The following DAB1 variants were observed in gnomAD, a reference collection of about 807,000 sequenced individuals.
The protein encoded by DAB1 is DAB adaptor protein 1, also known as disabled homolog 1.
In DAB1, 15 loss-of-function variants were observed where a neutral mutation model predicts 64.6. The observed-to-expected ratio is 0.23, with a 90% CI of 0.16 to 0.36. DAB1 has a LOEUF of 0.36. Ranked by LOEUF, DAB1 falls within the 10% of genes least tolerant of loss-of-function variation. DAB1 has a pLI of 1.00. For missense variants in DAB1, 596 were observed against 706.7 expected, an observed-to-expected ratio of 0.84 and a Z score of 1.78; for synonymous variants, 235 against 251.9, an observed-to-expected ratio of 0.93 and a Z score of 0.64.
chr1:57,818,792 G>T (rs900230739), intron 6 of DAB1, among the ~76,000 whole-genome samples: 1 of 150,544 alleles, frequency 6.6e-6, no homozygotes, highest in Non-Finnish European at 1.5e-5. Flanking sequence ...TGTATATAAT[G>T]TGTGTGTATA....
In DAB1 at chr1:58,058,806, C is replaced by T. The variant is rs947906541; in HGVS notation, n.387+91705G>A. The stretch of plus-strand genomic sequence containing the variant: ...TGCATATCTGTTCATGCTATGAAAT[C>T]CTGGAGTTCCTGAATCCTCACACAT... On this transcript the variant is annotated intron_variant and non_coding_transcript_variant, in intron 5 of 20. Transcript: ENST00000485760. Among the ~76,000 whole-genome samples the T allele has an allele frequency of 2.0e-5, 3 of 152,328 alleles. No homozygotes were observed. The South Asian group carries it at 6.2e-4, about 32-fold the overall frequency.
rs529215805 is a variant in DAB1, at chr1:57,483,573, A to G, written n.625+166019T>C. Among the ~76,000 whole-genome samples, 23 of 152,280 alleles carry G rather than the reference A, an allele frequency of 1.5e-4. No individual in the cohort carries two copies. In the East Asian group the frequency reaches 4.0e-3, roughly 27 times the overall value. On this transcript the variant is annotated intron_variant and non_coding_transcript_variant, in intron 7 of 20. Coordinates refer to the DAB1 transcript ENST00000485760. ...TTTATCAGGAGCATGAGAACAGACT[A>G]ATACATTTATTAATTCAACTTTTTT...
intron 3 of DAB1, among the ~76,000 whole-genome samples, chr1:58,454,597 C>A (rs936750164): frequency 8.5e-5 from 13 of 152,086 alleles, no homozygotes; most frequent in African/African-American, 2.9e-4. Flanking sequence ...AACCCACGTC[C>A]GAGGGCCACA....
intron 7 of DAB1, among the ~76,000 whole-genome samples, chr1:57,604,029 T>C (rs879879780): frequency 5.3e-5 from 8 of 152,220 alleles, no homozygotes; most frequent in Non-Finnish European, 1.0e-4. Flanking sequence ...GGCGTTTCCC[T>C]GGGGAGCTGG....
chr1:58,189,052 T>C (rs1032144758), intron 4 of DAB1, among the ~76,000 whole-genome samples: 4 of 152,226 alleles, frequency 2.6e-5, no homozygotes, highest in South Asian at 2.1e-4. Context: ...CACTATTTTA[T>C]TTGCCTTTGC....
intron 2 of DAB1, among the ~76,000 whole-genome samples, chr1:57,167,566 C>G (rs1388225731): frequency 6.6e-6 from 1 of 152,188 alleles, no homozygotes; most frequent in Non-Finnish European, 1.5e-5. Flanking sequence ...ATATTTACCT[C>G]CAGCTCCTTT....
chr1:57,634,696 G>A (rs1192386588), intron 7 of DAB1, among the ~76,000 whole-genome samples: 3 of 152,186 alleles, frequency 2.0e-5, no homozygotes, highest in Admixed American at 6.5e-5. Context: ...ACTGTTTTAG[G>A]TGCCAGCAAT....
intron 5 of DAB1, among the ~76,000 whole-genome samples, chr1:57,914,635 A>G (rs1206893085): frequency 6.6e-6 from 1 of 151,926 alleles, no homozygotes; most frequent in Non-Finnish European, 1.5e-5. Context: ...TGACTCTCTT[A>G]AAAAAAAGTC....
chr1:58,293,056 A>C (rs1459069889), intron 4 of DAB1, among the ~76,000 whole-genome samples: 1 of 152,248 alleles, frequency 6.6e-6, no homozygotes, highest in Non-Finnish European at 1.5e-5. Context: ...GATAAAGCAC[A>C]AACTCAGAGC....
At chr1:57,411,385 A>T (rs1684099570) in intron 1 of DAB1, among the ~76,000 whole-genome samples, 1 of 152,214 alleles carries the variant, frequency 6.6e-6, no homozygotes, top group Admixed American at 6.5e-5. Context: ...AATAACATTC[A>T]CTGACCTAAG....
At chr1:57,234,230 T>C (rs977758292) in intron 2 of DAB1, among the ~76,000 whole-genome samples, 4 of 152,150 alleles carry the variant, frequency 2.6e-5, no homozygotes, top group Admixed American at 6.5e-5. Flanking sequence ...TTAAAAAATA[T>C]AGTTACCCAA....
intron 2 of DAB1, among the ~76,000 whole-genome samples, chr1:57,250,641 C>G (rs952977437): frequency 1.3e-5 from 2 of 152,134 alleles, no homozygotes; most frequent in African/African-American, 4.8e-5. Context: ...TAGTAAGAAT[C>G]CATAGCTTTT....
intron 4 of DAB1, among the ~76,000 whole-genome samples, chr1:58,200,639 T>C (rs778750368): frequency 1.3e-5 from 2 of 152,244 alleles, no homozygotes; most frequent in African/African-American, 2.4e-5. Context: ...AAATGCTGAC[T>C]GCAGCACTAA....
chr1:58,231,427 C>T (rs939556434), intron 4 of DAB1, among the ~76,000 whole-genome samples: 2 of 152,136 alleles, frequency 1.3e-5, no homozygotes, highest in African/African-American at 4.8e-5. Context: ...TGCAAATGGG[C>T]GAACCAGATG....
chr1:57,910,211 C>T (rs1644620495), intron 5 of DAB1, among the ~76,000 whole-genome samples: 1 of 152,138 alleles, frequency 6.6e-6, no homozygotes, highest in Non-Finnish European at 1.5e-5. Flanking sequence ...CTTGGATGTC[C>T]CCAAGATCAG....
chr1:57,363,934 T>A (rs894873839), intron 1 of DAB1, among the ~76,000 whole-genome samples: 12 of 152,178 alleles, frequency 7.9e-5, no homozygotes, highest in Non-Finnish European at 2.9e-5. Flanking sequence ...CTAATTTCAG[T>A]CCTAGAGAGT....
intron 7 of DAB1, among the ~76,000 whole-genome samples, chr1:57,574,526 C>T (rs1443451794): frequency 6.6e-6 from 1 of 152,168 alleles, no homozygotes; most frequent in Non-Finnish European, 1.5e-5. Context: ...TCTCCTAGAT[C>T]ACACAGGTTC....
At chr1:58,013,082 C>T (rs1646691231) in intron 5 of DAB1, among the ~76,000 whole-genome samples, 1 of 152,182 alleles carries the variant, frequency 6.6e-6, no homozygotes, top group Non-Finnish European at 1.5e-5. Context: ...TAACTGGGTT[C>T]TGGACAGTGG....
chr1:57,498,139 A>C (rs1644250768), intron 7 of DAB1, among the ~76,000 whole-genome samples: 1 of 152,224 alleles, frequency 6.6e-6, no homozygotes, highest in Non-Finnish European at 1.5e-5. Context: ...AAGTGCAGAG[A>C]GATGGAGAAT....
Sources: gnomAD v4.1 joint callset for allele counts (sites outside exome capture counted in the v4.1 genomes callset) on GRCh38, gnomAD v4.1.1 for gene constraint, MANE v1.5 for transcripts, NCBI Gene and HGNC (gene_info 2026-07-23, HGNC 2026-07-21) for gene names.